Variants in CDC42 observed in about 807,000 individuals in gnomAD.
The protein encoded by CDC42 is cell division control protein 42 homolog.
Under a neutral mutation model 20.8 loss-of-function variants are expected in CDC42, and 1 was observed. The observed-to-expected ratio is 0.05, with a 90% CI of 0.02 to 0.23. The LOEUF (loss-of-function observed/expected upper bound fraction) is 0.23, where lower values mean the gene tolerates loss of function less well. CDC42 is among the 10% of genes least tolerant of loss of function. The pLI is 1.00. For missense variants in CDC42, 49 were observed against 227.9 expected (o/e 0.21, Z 5.05); for synonymous variants, 72 against 84.8 (o/e 0.85, Z 0.83).
intron 5 of CDC42, chr1:22,090,363 TC>T (rs1157940012): frequency 9.4e-5 from 98 of 1,037,526 alleles, no homozygotes; most frequent in Non-Finnish European, 1.1e-4. Flanking sequence ...TTTTAACACT[TC>T]TAGATCTTAG....
chr1:22,057,213 T>C (rs1484205950), intron 1 of CDC42, among the ~76,000 whole-genome samples: 1 of 152,176 alleles, frequency 6.6e-6, no homozygotes, highest in South Asian at 2.1e-4. Context: ...AATTAATATA[T>C]ATGAAGTGTT....
At position 22,098,866 on chromosome 1, in the gene CDC42, C is replaced by A. The variant is rs1392625843; in HGVS notation, c.*7349C>A. ...CTTGACCTCCCCAGCTCAAGCGATC[C>A]TCCCGCCTCAGCCTCCCGAGTAGAA... On this transcript the variant is annotated 3_prime_UTR_variant, in exon 6 of 6. Coordinates refer to ENST00000656825, the MANE Select transcript of CDC42 (RefSeq NM_001791.4). 1.3e-5 allele frequency among the ~76,000 whole-genome samples: 2 copies of A among 152,174 alleles called. No homozygotes were observed. Among genetic ancestry groups the A allele is most frequent in the Non-Finnish European group, 1.5e-5 (1 of 68,034 alleles).
chr1:22,101,237 G>A lies in CDC42; in HGVS notation c.*9720G>A, dbSNP rs1645786948. 6.6e-6 allele frequency: 1 copy of A among 152,164 alleles called. No homozygotes were observed. The highest frequency in any genetic ancestry group is 1.5e-5 in the Non-Finnish European group (1 of 68,032). 9.4% of individuals were successfully genotyped at this position (152,164 alleles called of 1,614,324 possible). A position where few individuals can be genotyped will look rare whatever the true frequency, so the allele number is the denominator to read the frequency against. ...TCCCATGGTAGTAATAACACTGTTG[G>A]AAAGAGCTCTCAGTTGGAAGTTGAA... On this transcript the variant is annotated 3_prime_UTR_variant, in exon 6 of 6. Transcript: ENST00000656825.
chr1:22,066,468 C>G (rs1233332755), intron 1 of CDC42, among the ~76,000 whole-genome samples: 1 of 152,148 alleles, frequency 6.6e-6, no homozygotes, highest in East Asian at 1.9e-4. Flanking sequence ...GTGAGTGTGT[C>G]CTGTGTGACT....
intron 1 of CDC42, among the ~76,000 whole-genome samples, chr1:22,057,301 A>G (rs1461571509): frequency 1.3e-5 from 2 of 152,224 alleles, no homozygotes; most frequent in African/African-American, 2.4e-5. Flanking sequence ...CTTCCCCGCC[A>G]TCTTTGAGAA....
At chr1:22,090,039 T>C (rs776650115) in intron 5 of CDC42, 14 of 1,613,604 alleles carry the variant, frequency 8.7e-6, no homozygotes, top group Non-Finnish European at 1.1e-5. Flanking sequence ...CTAAACTGTT[T>C]TCTCCTTCCC....
In CDC42 at chr1:22,095,402, C is replaced by T. The variant is rs931435628; in HGVS notation, c.*3885C>T. Among the ~76,000 whole-genome samples, 15 of 151,896 alleles carry T rather than the reference C, an allele frequency of 9.9e-5. No individual in the cohort carries two copies. The highest frequency in any genetic ancestry group is 3.4e-4 in the African/African-American group (14 of 41,332). On this transcript the variant is annotated 3_prime_UTR_variant, in exon 6 of 6. Transcript: ENST00000656825. ...CTCCTGCCTCAGCCTCCCGAGTAGC[C>T]AGGACTACAGGCATGTGCCACCATG...
In CDC42 at chr1:22,097,577, G is replaced by C. The variant is rs1570059686; in HGVS notation, c.*6060G>C. Among the ~76,000 whole-genome samples, 1 of 152,308 alleles carries C rather than the reference G, an allele frequency of 6.6e-6. No homozygotes were observed. Among genetic ancestry groups the C allele is most frequent in the East Asian group, 1.9e-4 (1 of 5,180 alleles). The stretch of plus-strand genomic sequence containing the variant: ...ATTCTTAAGTCCGCCTTTCAAAGTT[G>C]AGTACTGCATTCTTGCGGCTCTACC... On this transcript the variant is annotated 3_prime_UTR_variant, in exon 6 of 6. Coordinates refer to ENST00000656825, the MANE Select transcript of CDC42 (RefSeq NM_001791.4).
rs773939180 is a variant in CDC42 at position 22,093,520 on chromosome 1, A to G, written c.*2003A>G. ...CCTTTAGGACATTATACTGATCTGC[A>G]TGAGAATCTTAGAAACTAAGAACCC... On this transcript the variant is annotated 3_prime_UTR_variant, in exon 6 of 6. Transcript: ENST00000656825. 6.6e-6 allele frequency among the ~76,000 whole-genome samples: 1 copy of G among 152,206 alleles called. No homozygotes were observed. Among genetic ancestry groups the G allele is most frequent in the Non-Finnish European group, 1.5e-5 (1 of 68,016 alleles).
intron 5 of CDC42, chr1:22,090,380 G>T (rs745878865): frequency 2.4e-5 from 24 of 1,012,468 alleles, no homozygotes; most frequent in Middle Eastern, 4.9e-4. Flanking sequence ...CTTAGTTCTA[G>T]ATGGAGAAAG....
At chr1:22,071,960 C>T (rs1645496697) in intron 1 of CDC42, among the ~76,000 whole-genome samples, 1 of 152,252 alleles carries the variant, frequency 6.6e-6, no homozygotes, top group African/African-American at 2.4e-5. Flanking sequence ...TAGGCAGCAG[C>T]TACAAATGCA....
At chr1:22,085,871 A>C (rs1057089161) in intron 3 of CDC42, among the ~76,000 whole-genome samples, 9 of 152,076 alleles carry the variant, frequency 5.9e-5, no homozygotes, top group Non-Finnish European at 1.2e-4. Context: ...TCTGAGATGG[A>C]GTCTCACTCT....
intron 1 of CDC42, among the ~76,000 whole-genome samples, chr1:22,074,543 C>T (rs902381384): frequency 6.6e-6 from 1 of 151,968 alleles, no homozygotes; most frequent in Non-Finnish European, 1.5e-5. Flanking sequence ...TCCCTTTACC[C>T]ACCCCAATCT....
At chr1:22,053,035 C>G (rs12133104) in intron 1 of CDC42, among the ~76,000 whole-genome samples, 141,343 of 151,182 alleles carry the variant, frequency 0.93, 66,120 homozygotes, top group East Asian at 1. Flanking sequence ...CTGTCACCGG[C>G]AGCGGCGGAA....
intron 1 of CDC42, chr1:22,053,443 C>T (rs1295495184): frequency 6.6e-6 from 1 of 152,198 alleles, no homozygotes; most frequent in Non-Finnish European, 1.5e-5. Context: ...GGTCGAGTTC[C>T]TAGCATTTCC....
Position 22,094,637 on chromosome 1 carries a change from G to T in CDC42, c.*3120G>T, listed in dbSNP as rs1278193014. 1.3e-5 allele frequency among the ~76,000 whole-genome samples: 2 copies of T among 152,018 alleles called. No homozygotes were observed. The highest frequency in any genetic ancestry group is 2.9e-5 in the Non-Finnish European group (2 of 67,982). ...AGTTAAAGCGATGTTCTTCAAGCTG[G>T]ACTTTATGCCACAAGGGGAGTGTAT... On this transcript the variant is annotated 3_prime_UTR_variant, in exon 6 of 6. Transcript: ENST00000656825.
rs938388432 is a variant in CDC42, at chr1:22,091,728, T to C, written c.*211T>C. ...ACTAGTTAATTTTGAGTAATTGTAT[T>C]GTCAGAAAAGTGATTAGTACTATTT... On this transcript the variant is annotated 3_prime_UTR_variant, in exon 6 of 6. Transcript: ENST00000656825. The C allele has an allele frequency of 8.9e-6, 3 of 335,212 alleles. No homozygotes were observed. The highest frequency in any genetic ancestry group is 4.3e-5 in the African/African-American group (2 of 46,414). The allele number at this position is 335,212 out of a possible 1,614,324, so 20.8% of individuals were successfully genotyped here.
At chr1:22,085,297 G>A (rs60104709) in intron 3 of CDC42, among the ~76,000 whole-genome samples, 3 of 151,008 alleles carry the variant, frequency 2.0e-5, no homozygotes, top group Non-Finnish European at 4.4e-5. Flanking sequence ...GGGTTCTCTA[G>A]TCTATTCCAT....
At chr1:22,088,909 A>G (rs992917404) in intron 5 of CDC42, among the ~76,000 whole-genome samples, 1 of 152,122 alleles carries the variant, frequency 6.6e-6, no homozygotes, top group African/African-American at 2.4e-5. Context: ...GCTGCTTTTA[A>G]AGAATTTACT....
Sources: gnomAD v4.1 joint callset for allele counts (sites outside exome capture counted in the v4.1 genomes callset) on GRCh38, gnomAD v4.1.1 for gene constraint, MANE v1.5 for transcripts, NCBI Gene and HGNC (gene_info 2026-07-23, HGNC 2026-07-21) for gene names.